Variants in PON3 observed in about 807,000 individuals in gnomAD.
The protein encoded by PON3 is paraoxonase 3, also known as serum paraoxonase/lactonase 3.
A neutral mutation model predicts 36.3 loss-of-function variants in PON3; 37 were observed. The ratio of observed to expected loss-of-function variants is 1.02; its 90% CI spans 0.78 to 1.34. The LOEUF is 1.34. Among genes scored for constraint, PON3 ranks in the 40% most tolerant of loss-of-function variants. The pLI, the probability that PON3 is intolerant of heterozygous loss-of-function variation, is 0.00. For synonymous variants in PON3, 155 were observed against 154.8 expected (o/e 1.00, Z -0.01); for missense variants, 415 against 426.5 (o/e 0.97, Z 0.24).
At chr7:95,389,678 C>T (rs766853045) in intron 3 of PON3, among the ~76,000 whole-genome samples, 14 of 152,034 alleles carry the variant, frequency 9.2e-5, no homozygotes, top group Non-Finnish European at 1.9e-4. Context: ...GGCAGGGAAC[C>T]CAAGATGGAA....
chr7:95,383,123 G>T (rs1010535567), intron 3 of PON3, among the ~76,000 whole-genome samples: 13 of 152,146 alleles, frequency 8.5e-5, no homozygotes, highest in Non-Finnish European at 1.6e-4. Context: ...CTCACTAGAT[G>T]CAGAAAAGGC....
chr7:95,367,891 A>G (rs1808733471), intron 4 of PON3, among the ~76,000 whole-genome samples: 1 of 152,234 alleles, frequency 6.6e-6, no homozygotes, highest in African/African-American at 2.4e-5. Flanking sequence ...GTGTGTGTAC[A>G]ATAATTATCT....
chr7:95,394,819 T>C, intron 1 of PON3, 105 bp from the exon 2 acceptor site: 1 of 900,014 alleles, frequency 1.1e-6, no homozygotes, highest in South Asian at 1.3e-5. Context: ...ATCTTTATCA[T>C]AATTTATGAA....
At chr7:95,381,909 G>C (rs1377239940) in intron 3 of PON3, among the ~76,000 whole-genome samples, 2 of 152,184 alleles carry the variant, frequency 1.3e-5, no homozygotes, top group African/African-American at 4.8e-5. Context: ...ATTCTTCTCA[G>C]CACCACATTG....
At chr7:95,389,446 T>C (rs1055138161) in intron 3 of PON3, among the ~76,000 whole-genome samples, 1 of 152,234 alleles carries the variant, frequency 6.6e-6, no homozygotes. Flanking sequence ...ATTGAAAATG[T>C]GGTAAATATA....
rs1414926708 is a variant in PON3, at chr7:95,391,510, A to T, written c.146-1301T>A. 3.3e-5 allele frequency among the ~76,000 whole-genome samples: 5 copies of T among 152,374 alleles called. No homozygotes were observed. In the East Asian group the frequency reaches 7.7e-4, roughly 23 times the overall value. ...AAGATCTATGAGATATGATTTCCAG[A>T]GAAAGATATATTTCACCTTTCAACT... On this transcript the variant is annotated intron_variant, in intron 2 of 8. Coordinates refer to ENST00000265627, the MANE Select transcript of PON3 (RefSeq NM_000940.3).
chr7:95,384,559 C>T (rs990588108), intron 3 of PON3, among the ~76,000 whole-genome samples: 1 of 152,278 alleles, frequency 6.6e-6, no homozygotes, highest in Middle Eastern at 3.4e-3. Flanking sequence ...AGACACTTCT[C>T]AAAAGAAGAC....
intron 4 of PON3, among the ~76,000 whole-genome samples, chr7:95,371,265 A>G (rs538589249): frequency 3.0e-4 from 43 of 143,322 alleles, no homozygotes; most frequent in African/African-American, 1.2e-3. Context: ...ACATTTGTAT[A>G]TGGGTTTTTG....
At position 95,360,108 on chromosome 7, in the gene PON3, C is replaced by T. The variant is rs568444957; in HGVS notation, c.930G>A (p.Leu310=). 39 of 1,613,688 alleles carry T rather than the reference C, an allele frequency of 2.4e-5. No homozygotes were observed. In the South Asian group the frequency reaches 3.8e-4, roughly 16 times the overall value. The part of the protein sequence containing the change: ...GSEVLRIQNV[L]SEKPRVSTVY... ...CGGTGCTCACCCTGGGCTTCTCAGA[C>T]AAAACATTCTGGATGCGAAGTACCT... Residue 310 remains leucine (L), a synonymous_variant, in exon 9 of 9, where the codon TTG becomes TTA. Coordinates refer to ENST00000265627, the MANE Select transcript of PON3 (RefSeq NM_000940.3).
intron 3 of PON3, among the ~76,000 whole-genome samples, chr7:95,380,629 AAAC>A (rs1210408639): frequency 6.6e-6 from 1 of 152,240 alleles, no homozygotes; most frequent in Non-Finnish European, 1.5e-5. Context: ...GAATAAAATG[AAAC>A]AACAAGAGAA....
At chr7:95,378,085 C>T (rs1194774816) in intron 3 of PON3, among the ~76,000 whole-genome samples, 1 of 152,062 alleles carries the variant, frequency 6.6e-6, no homozygotes, top group Non-Finnish European at 1.5e-5. Context: ...AGCTGAAAAC[C>T]AAGGCATGAG....
In PON3 at chr7:95,363,925, C is replaced by T; in HGVS notation, c.633G>A (p.Glu211=). ...AAAATCCTTTGGCCACCACTTTAAC[C>T]TCCCTTGGGCTGTAGAAAAGAACAT... ...WTYVLFYSPR[E]VKVVAKGFCS... The change falls in exon 6 of 9, where the codon GAG becomes GAA. Residue 211 remains glutamate (E), a synonymous_variant. Coordinates refer to ENST00000265627, the MANE Select transcript of PON3 (RefSeq NM_000940.3). The T allele has an allele frequency of 1.2e-6, 2 of 1,613,834 alleles. No homozygotes were observed. The highest frequency in any genetic ancestry group is 1.7e-6 in the Non-Finnish European group (2 of 1,179,786).
At chr7:95,379,817 G>T (rs1447820701) in intron 3 of PON3, among the ~76,000 whole-genome samples, 1 of 152,234 alleles carries the variant, frequency 6.6e-6, no homozygotes, top group Non-Finnish European at 1.5e-5. Context: ...AACCTCTGCA[G>T]ACTTAAATGT....
chr7:95,380,890 C>T (rs944932927), intron 3 of PON3, among the ~76,000 whole-genome samples: 1 of 152,098 alleles, frequency 6.6e-6, no homozygotes, highest in African/African-American at 2.4e-5. Context: ...AACTCCAAGA[C>T]ACATAATTGT....
At chr7:95,386,653 C>T (rs1809196913) in intron 3 of PON3, among the ~76,000 whole-genome samples, 2 of 152,146 alleles carry the variant, frequency 1.3e-5, no homozygotes, top group South Asian at 2.1e-4. Flanking sequence ...CTTCCTGATA[C>T]CAAAGCCTGG....
chr7:95,380,005 C>A (rs1156757879), intron 3 of PON3, among the ~76,000 whole-genome samples: 4 of 152,190 alleles, frequency 2.6e-5, no homozygotes, highest in Non-Finnish European at 2.9e-5. Flanking sequence ...TGAGACGAAA[C>A]CTCCAGAGGA....
intron 2 of PON3, among the ~76,000 whole-genome samples, chr7:95,392,190 G>C (rs1562778741): frequency 6.6e-6 from 1 of 152,178 alleles, no homozygotes; most frequent in Non-Finnish European, 1.5e-5. Context: ...TTGTCCTACT[G>C]ACACATGACC....
At chr7:95,373,808 T>G (rs1808859348) in intron 3 of PON3, among the ~76,000 whole-genome samples, 1 of 152,138 alleles carries the variant, frequency 6.6e-6, no homozygotes, top group Non-Finnish European at 1.5e-5. Flanking sequence ...TTTATTTCAT[T>G]ATCTTCTAGA....
chr7:95,364,032 G>A lies in PON3; in HGVS notation c.526C>T (p.Gln176Ter), dbSNP rs746915224. ...TAGTGGTCTCTGGTGGCATAGAACT[G>A]TTCTGGTCCAAGAACCACAATGTCA... ...VNDIVVLGPE[Q>*]FYATRDHYFT... Residue 176 changes from glutamine to a stop codon, truncating the protein, a stop_gained, in exon 6 of 9, where the codon CAG becomes TAG. Coordinates refer to ENST00000265627, the MANE Select transcript of PON3 (RefSeq NM_000940.3). LOFTEE classifies it high-confidence loss of function. The A allele has an allele frequency of 1.7e-5, 28 of 1,613,834 alleles. No individual in the cohort carries two copies. Among genetic ancestry groups the A allele is most frequent in the Non-Finnish European group, 2.2e-5 (26 of 1,179,788 alleles).
Sources: gnomAD v4.1 joint callset for allele counts (sites outside exome capture counted in the v4.1 genomes callset) on GRCh38, gnomAD v4.1.1 for gene constraint, MANE v1.5 for transcripts, NCBI Gene and HGNC (gene_info 2026-07-23, HGNC 2026-07-21) for gene names.